The following MOB3B variants were observed in gnomAD, a reference collection of about 807,000 sequenced individuals.
MOB3B encodes MOB kinase activator-like 2B.
In MOB3B, 7 loss-of-function variants were observed where a neutral mutation model predicts 18.7. That is an observed-to-expected ratio of 0.37 (90% CI 0.21 to 0.70). MOB3B has a LOEUF of 0.70. Among genes scored for constraint, MOB3B ranks in the 30% least tolerant of loss-of-function variants. The pLI is 0.52. For synonymous variants in MOB3B, 111 were observed against 99.9 expected (o/e 1.11, Z -0.66); for missense variants, 253 against 281.3 (o/e 0.90, Z 0.72).
In MOB3B at chr9:27,330,198, A is replaced by C; in HGVS notation, c.*389T>G. ...ATCACAGAGAAGTCGGCCAGCTGAC[A>C]AGACAGATAAGTGGAAAAATACGAA... is the stretch of plus-strand genomic sequence containing the variant. On this transcript the variant is annotated 3_prime_UTR_variant, in exon 4 of 4. Transcript: ENST00000262244. 5.9e-6 allele frequency: 1 copy of C among 168,292 alleles called. No homozygotes were observed. Among genetic ancestry groups the C allele is most frequent in the South Asian group, 1.9e-4 (1 of 5,364 alleles). The allele number at this position is 168,292 out of a possible 1,614,324, so 10.4% of individuals were successfully genotyped here.
chr9:27,356,072 T>C (rs1821186882), intron 3 of MOB3B, among the ~76,000 whole-genome samples: 1 of 152,212 alleles, frequency 6.6e-6, no homozygotes, highest in African/African-American at 2.4e-5. Flanking sequence ...ATCCAGAGCC[T>C]GATATTATAT....
rs950846594 is a variant in MOB3B at position 27,454,768 on chromosome 9, C to G, written c.418+365G>C. On this transcript the variant is annotated intron_variant, in intron 2 of 3. Coordinates refer to ENST00000262244, the MANE Select transcript of MOB3B (RefSeq NM_024761.5). ...ATTTCTTAATCCTCAGATATAAATA[C>G]CAGTAACTGCATCAGAGTCCATGTA... Among the ~76,000 whole-genome samples the G allele has an allele frequency of 1.2e-4, 19 of 152,266 alleles. 1 individual carries two copies. Among genetic ancestry groups the G allele is most frequent in the Admixed American group, 3.3e-4 (5 of 15,306 alleles).
intron 2 of MOB3B, among the ~76,000 whole-genome samples, chr9:27,368,344 A>T (rs2131364341): frequency 7.8e-6 from 1 of 128,986 alleles, no homozygotes; most frequent in East Asian, 2.2e-4. Context: ...ATATATACAC[A>T]CACATACATA....
intron 1 of MOB3B, among the ~76,000 whole-genome samples, chr9:27,525,754 T>C (rs1481524627): frequency 6.6e-6 from 1 of 152,210 alleles, no homozygotes; most frequent in East Asian, 1.9e-4. Context: ...TGAAATAAAA[T>C]GTCCAGAGTC....
intron 2 of MOB3B, among the ~76,000 whole-genome samples, chr9:27,413,675 G>C (rs912580350): frequency 6.6e-6 from 1 of 152,202 alleles, no homozygotes; most frequent in Admixed American, 6.5e-5. Context: ...TGACAGTGAA[G>C]AGAAATGAAA....
intron 2 of MOB3B, among the ~76,000 whole-genome samples, chr9:27,401,296 T>A (rs188080526): frequency 5.6e-4 from 85 of 152,320 alleles, no homozygotes; most frequent in Non-Finnish European, 9.4e-4. Flanking sequence ...CCTGTGACTT[T>A]TCGATTCAAT....
intron 1 of MOB3B, among the ~76,000 whole-genome samples, chr9:27,484,913 G>A (rs895021): frequency 0.25 from 37,255 of 152,034 alleles, 4,716 homozygotes; most frequent in East Asian, 0.33. Context: ...TCTGGGACAT[G>A]GAGTACAGTG....
intron 2 of MOB3B, among the ~76,000 whole-genome samples, chr9:27,384,011 A>G (rs1306219976): frequency 6.6e-6 from 1 of 152,216 alleles, no homozygotes; most frequent in African/African-American, 2.4e-5. Context: ...AAAGGCTCTG[A>G]GAAATTCTAC....
At chr9:27,341,104 G>T (rs190287756) in intron 3 of MOB3B, among the ~76,000 whole-genome samples, 10 of 152,324 alleles carry the variant, frequency 6.6e-5, no homozygotes, top group Non-Finnish European at 1.5e-4. Flanking sequence ...TCTGTCATGT[G>T]GCCTTTCTAT....
intron 1 of MOB3B, among the ~76,000 whole-genome samples, chr9:27,502,082 C>T (rs1336379779): frequency 1.3e-5 from 2 of 152,148 alleles, no homozygotes; most frequent in African/African-American, 4.8e-5. Context: ...TATACACGAT[C>T]CTTCTCCCTA....
chr9:27,529,208 T>G (rs1357241317), intron 1 of MOB3B, among the ~76,000 whole-genome samples: 1 of 152,226 alleles, frequency 6.6e-6, no homozygotes, highest in African/African-American at 2.4e-5. Context: ...CGGCTGGGGA[T>G]GGGCTCGGAG....
chr9:27,382,476 T>A (rs1306785421), intron 2 of MOB3B, among the ~76,000 whole-genome samples: 2 of 152,072 alleles, frequency 1.3e-5, no homozygotes, highest in Non-Finnish European at 2.9e-5. Context: ...TCAGGGCCAA[T>A]CCTTCTCCAA....
intron 3 of MOB3B, among the ~76,000 whole-genome samples, chr9:27,354,127 G>C (rs545717896): frequency 6.6e-6 from 1 of 152,258 alleles, no homozygotes; most frequent in African/African-American, 2.4e-5. Context: ...CTGAACAGCA[G>C]GTCCCAATGG....
At chr9:27,357,569 T>A (rs1325092808) in intron 3 of MOB3B, among the ~76,000 whole-genome samples, 1 of 152,034 alleles carries the variant, frequency 6.6e-6, no homozygotes, top group East Asian at 1.9e-4. Flanking sequence ...TCTGGCCCTT[T>A]CCTTCCCATG....
At chr9:27,343,478 T>TAAAAAAAAAAAAAAAAAAAAAAAA (rs779124158) in intron 3 of MOB3B, among the ~76,000 whole-genome samples, 12 of 84,310 alleles carry the variant, frequency 1.4e-4, no homozygotes, top group African/African-American at 5.5e-4. Flanking sequence ...CAATAAATAC[T>TAAAAAAAAAAAAAAAAAAAAAAAA]AAAAAAAAAA....
chr9:27,482,905 T>G (rs1403165804), intron 1 of MOB3B, among the ~76,000 whole-genome samples: 2 of 152,190 alleles, frequency 1.3e-5, no homozygotes, highest in African/African-American at 4.8e-5. Flanking sequence ...GAAGCCAGGA[T>G]AAGGACTGGA....
chr9:27,524,830 A>G (rs746673224), intron 1 of MOB3B: 1 of 1,614,120 alleles, frequency 6.2e-7, no homozygotes, highest in South Asian at 1.1e-5. Context: ...CTGAGGAGAT[A>G]TTTCCACAGG....
chr9:27,428,588 G>A lies in MOB3B; in HGVS notation c.418+26545C>T, dbSNP rs146118351. 1.3e-3 allele frequency among the ~76,000 whole-genome samples: 204 copies of A among 152,306 alleles called. 5 individuals carry two copies. In the South Asian group the frequency reaches 0.041, roughly 30 times the overall value. On this transcript the variant is annotated intron_variant, in intron 2 of 3. Transcript: ENST00000262244. ...AAAATGTTGAGTTTCCATTCATTGC[G>A]GTCCAAAGCCTAAACAGAAGGAAGT...
chr9:27,488,137 G>A (rs1326793111), intron 1 of MOB3B, among the ~76,000 whole-genome samples: 1 of 152,162 alleles, frequency 6.6e-6, no homozygotes, highest in African/African-American at 2.4e-5. Context: ...CCCTGCAGCT[G>A]GAAGTCTGCA....
Sources: allele counts gnomAD v4.1 joint callset (sites outside exome capture counted in the v4.1 genomes callset), GRCh38; gene constraint gnomAD v4.1.1; transcripts MANE v1.5; gene names NCBI Gene and HGNC (gene_info 2026-07-23, HGNC 2026-07-21).